SLC30A8: variants seen among roughly 807,000 people sequenced by gnomAD.
The protein encoded by SLC30A8 is solute carrier family 30 member 8, also known as proton-coupled zinc antiporter SLC30A8.
A neutral mutation model predicts 36.9 loss-of-function variants in SLC30A8; 27 were observed. The ratio of observed to expected loss-of-function variants is 0.73; its 90% CI spans 0.54 to 1.01. SLC30A8 has a LOEUF of 1.01. Ranked by LOEUF, SLC30A8 falls within the 50% of genes least tolerant of loss-of-function variation. The pLI, the probability that SLC30A8 is intolerant of heterozygous loss-of-function variation, is 0.00. For synonymous variants in SLC30A8, 164 were observed against 172.4 expected (o/e 0.95, Z 0.38); for missense variants, 439 against 452.0 (o/e 0.97, Z 0.26).
chr8:116,959,834 G>C (rs1012163956), intron 1 of SLC30A8, among the ~76,000 whole-genome samples: 1 of 152,148 alleles, frequency 6.6e-6, no homozygotes, highest in Non-Finnish European at 1.5e-5. Context: ...CGTTCTTTCT[G>C]TGCACATGGG....
At chr8:117,046,772 T>C (rs921131290) in intron 2 of SLC30A8, among the ~76,000 whole-genome samples, 5 of 152,204 alleles carry the variant, frequency 3.3e-5, no homozygotes, top group African/African-American at 1.2e-4. Context: ...TAGCTGTCTT[T>C]CTCAATTTCC....
At chr8:117,170,319 C>T (rs988876210) in intron 6 of SLC30A8, among the ~76,000 whole-genome samples, 2 of 152,074 alleles carry the variant, frequency 1.3e-5, no homozygotes, top group Non-Finnish European at 2.9e-5. Flanking sequence ...TTAATAAACA[C>T]CCCAGGTGTT....
At chr8:116,988,044 C>G (rs886198571) in intron 1 of SLC30A8, among the ~76,000 whole-genome samples, 6 of 152,108 alleles carry the variant, frequency 3.9e-5, no homozygotes, top group African/African-American at 1.2e-4. Flanking sequence ...GGTGGATGCT[C>G]TCTTCCCCTC....
chr8:117,012,492 A>C (rs1023068236), intron 1 of SLC30A8, among the ~76,000 whole-genome samples: 5 of 151,978 alleles, frequency 3.3e-5, no homozygotes, highest in African/African-American at 1.2e-4. Context: ...CAGTATGACA[A>C]CTATTTACAT....
intron 1 of SLC30A8, among the ~76,000 whole-genome samples, chr8:117,015,548 C>A (rs201205613): frequency 0.07 from 9,711 of 139,040 alleles, 315 homozygotes; most frequent in South Asian, 0.13. Flanking sequence ...CCCCCCCCCC[C>A]AAAAAAAAGA....
intron 2 of SLC30A8, among the ~76,000 whole-genome samples, chr8:117,097,414 AAAAAAT>A (rs1586506465): frequency 2.5e-5 from 3 of 120,006 alleles, no homozygotes; most frequent in Admixed American, 1.0e-4. Context: ...AAAAAAAAAA[AAAAAAT>A]ATATATAAAT....
rs1823433736 is a variant in SLC30A8 at position 117,172,529 on chromosome 8, T to C, written c.965-7T>C. 1.2e-6 allele frequency: 2 copies of C among 1,613,464 alleles called. No individual in the cohort carries two copies. The highest frequency in any genetic ancestry group is 1.3e-5 in the African/African-American group (1 of 74,874). On this transcript the variant is annotated splice_region_variant and splice_polypyrimidine_tract_variant and intron_variant, in intron 7 of 7. Coordinates refer to ENST00000456015, the MANE Select transcript of SLC30A8 (RefSeq NM_173851.3). ...GTGCTAATCTCCCTGTGCTTCTTTA[T>C]CAACAGCAGCCAGCCGGGACAGCCA...
chr8:116,976,818 CTTT>C (rs1815036898), intron 1 of SLC30A8, among the ~76,000 whole-genome samples: 2 of 134,646 alleles, frequency 1.5e-5, no homozygotes. Flanking sequence ...TTCTTTCTTT[CTTT>C]CTTTTTTTTT....
rs1819888955 is a variant in SLC30A8, at chr8:117,104,563, A to G, written c.-225-30717A>G. 3.3e-5 allele frequency among the ~76,000 whole-genome samples: 5 copies of G among 152,192 alleles called. No homozygotes were observed. In the South Asian group the frequency reaches 8.3e-4, roughly 25 times the overall value. On this transcript the variant is annotated intron_variant, in intron 2 of 10. Transcript: ENST00000427715. Reference sequence around the variant, plus strand: ...AATTTCCCTACAGTCCTCCTTCTTTACTTCTTTCTGAGAGCTCATCAGAAT... The same window carrying G: ...AATTTCCCTACAGTCCTCCTTCTTTGCTTCTTTCTGAGAGCTCATCAGAAT...
chr8:117,069,414 CA>C (rs1458833051), intron 2 of SLC30A8, among the ~76,000 whole-genome samples: 1 of 152,096 alleles, frequency 6.6e-6, no homozygotes, highest in African/African-American at 2.4e-5. Context: ...GTATTTTGTT[CA>C]GCTGAAACTC....
chr8:117,018,539 A>ACCG, intron 1 of SLC30A8, among the ~76,000 whole-genome samples: 1 of 152,064 alleles, frequency 6.6e-6, no homozygotes, highest in African/African-American at 2.4e-5. Context: ...CCTTGATAGC[A>ACCG]CTGCTGTGTT....
chr8:117,133,565 G>A (rs1015045589), upstream of SLC30A8, among the ~76,000 whole-genome samples: 2 of 150,560 alleles, frequency 1.3e-5, no homozygotes, highest in African/African-American at 4.9e-5. Context: ...TCTTTTTTTT[G>A]TACTCACCCT....
At chr8:117,124,506 G>A (rs1359929303) in intron 2 of SLC30A8, among the ~76,000 whole-genome samples, 1 of 151,694 alleles carries the variant, frequency 6.6e-6, no homozygotes, top group African/African-American at 2.4e-5. Context: ...TCAGAGCTGT[G>A]GGATCTCACA....
At chr8:117,103,589 C>T (rs1251172392) in intron 2 of SLC30A8, among the ~76,000 whole-genome samples, 2 of 152,142 alleles carry the variant, frequency 1.3e-5, no homozygotes, top group African/African-American at 4.8e-5. Flanking sequence ...ATTCTCTTGC[C>T]TCACCTTCCC....
chr8:117,074,589 C>G (rs574818862), intron 2 of SLC30A8, among the ~76,000 whole-genome samples: 1 of 152,230 alleles, frequency 6.6e-6, no homozygotes, highest in South Asian at 2.1e-4. Context: ...TATCACCAAC[C>G]CCAGTCTCCC....
chr8:117,142,366 G>T (rs1399212249), intron 1 of SLC30A8, among the ~76,000 whole-genome samples: 1 of 151,974 alleles, frequency 6.6e-6, no homozygotes, highest in African/African-American at 2.4e-5. Flanking sequence ...AGTCTTCCAG[G>T]CAGCACCCAA....
At chr8:117,006,955 G>GTTTTTTTTT (rs869111415) in intron 1 of SLC30A8, 12 of 38,122 alleles carry the variant, frequency 3.1e-4, no homozygotes, top group East Asian at 7.7e-4. Flanking sequence ...GCTAATTCTT[G>GTTTTTTTTT]TTTTTTTTTT....
chr8:117,090,556 T>C (rs999405287), intron 2 of SLC30A8, among the ~76,000 whole-genome samples: 2 of 152,184 alleles, frequency 1.3e-5, no homozygotes, highest in Non-Finnish European at 2.9e-5. Context: ...ATCTCCTTGC[T>C]GGGTAGAAAG....
chr8:117,163,587 C>T, intron 6 of SLC30A8, 57 bp downstream of exon 6: 1 of 1,300,486 alleles, frequency 7.7e-7, no homozygotes, highest in East Asian at 2.4e-5. Context: ...CCTAGAATCA[C>T]AAAAGGGAAT....
Sources: allele counts gnomAD v4.1 joint callset (sites outside exome capture counted in the v4.1 genomes callset), GRCh38; gene constraint gnomAD v4.1.1; transcripts MANE v1.5; gene names NCBI Gene and HGNC (gene_info 2026-07-23, HGNC 2026-07-21).